CCDC192: variants seen among roughly 807,000 people sequenced by gnomAD.
The protein encoded by CCDC192 is coiled-coil domain-containing protein 192.
chr5:127,823,282 T>C (rs1356295296), intron 5 of CCDC192, among the ~76,000 whole-genome samples: 2 of 152,220 alleles, frequency 1.3e-5, no homozygotes, highest in Non-Finnish European at 2.9e-5. Flanking sequence ...AGCCTGGAGC[T>C]GTTTACAACT....
chr5:127,843,392 C>T (rs1011314131), intron 5 of CCDC192, among the ~76,000 whole-genome samples: 4 of 151,262 alleles, frequency 2.6e-5, no homozygotes, highest in Non-Finnish European at 5.9e-5. Flanking sequence ...GGGATTTAAG[C>T]CGTTGTTGAT....
At chr5:127,741,343 G>A (rs1490202598) in intron 2 of CCDC192, among the ~76,000 whole-genome samples, 4 of 152,130 alleles carry the variant, frequency 2.6e-5, no homozygotes, top group Admixed American at 1.3e-4. Flanking sequence ...GACTGCAGTT[G>A]TGAGCCAGCA....
rs535270572 is a variant in CCDC192, at chr5:127,905,229, AG to A, written c.535+29569del. Among the ~76,000 whole-genome samples, 663 of 152,322 alleles carry A rather than the reference AG, an allele frequency of 4.4e-3. 5 individuals carry two copies. Among genetic ancestry groups the A allele is most frequent in the African/African-American group, 0.016 (647 of 41,572 alleles). Reference sequence around the variant, plus strand: ...AATAAGGGCTACCTCAGGAGACAAAAGTTTCAACCTATCAAGTTTAATGTGA... The same window carrying A: ...AATAAGGGCTACCTCAGGAGACAAAATTTCAACCTATCAAGTTTAATGTGA... On this transcript the variant is annotated intron_variant, in intron 6 of 6. Transcript: ENST00000514853.
chr5:127,898,154 G>T (rs1451837581), intron 6 of CCDC192, among the ~76,000 whole-genome samples: 1 of 151,888 alleles, frequency 6.6e-6, no homozygotes, highest in Non-Finnish European at 1.5e-5. Flanking sequence ...TGTTGCCCAG[G>T]CTTGAGTGCA....
intron 2 of CCDC192, among the ~76,000 whole-genome samples, chr5:127,715,025 C>T (rs1347841693): frequency 2.6e-5 from 4 of 151,384 alleles, no homozygotes; most frequent in Non-Finnish European, 4.4e-5. Context: ...TGGTTATTAA[C>T]GCCTTGTCAG....
intron 5 of CCDC192, among the ~76,000 whole-genome samples, chr5:127,844,441 A>G (rs1416004602): frequency 1.3e-5 from 2 of 152,248 alleles, no homozygotes; most frequent in African/African-American, 2.4e-5. Flanking sequence ...AACCATCACA[A>G]TAACAGAGCT....
At chr5:127,709,077 C>T (rs563345296) in intron 2 of CCDC192, among the ~76,000 whole-genome samples, 15 of 139,804 alleles carry the variant, frequency 1.1e-4, no homozygotes, top group South Asian at 4.6e-4. Flanking sequence ...AAAGGGGTGG[C>T]GAGGCATGTC....
intron 3 of CCDC192, among the ~76,000 whole-genome samples, chr5:127,771,577 G>T (rs190248569): frequency 2.0e-5 from 3 of 152,292 alleles, no homozygotes; most frequent in Admixed American, 1.3e-4. Flanking sequence ...GAAGTGGATT[G>T]GGGGGTAGGG....
At chr5:127,823,598 T>C (rs777571192) in intron 5 of CCDC192, among the ~76,000 whole-genome samples, 3 of 152,210 alleles carry the variant, frequency 2.0e-5, no homozygotes, top group Non-Finnish European at 4.4e-5. Context: ...AAATTTCTAT[T>C]TTCAAGCCTT....
intron 6 of CCDC192, among the ~76,000 whole-genome samples, chr5:127,914,133 A>T (rs923484022): frequency 3.3e-5 from 5 of 152,342 alleles, no homozygotes; most frequent in African/African-American, 9.6e-5. Context: ...TGATCTAGTG[A>T]TAATGAATTT....
intron 6 of CCDC192, among the ~76,000 whole-genome samples, chr5:127,939,204 A>G (rs914154518): frequency 7.3e-6 from 1 of 136,890 alleles, no homozygotes; most frequent in Non-Finnish European, 1.5e-5. Context: ...TGCAACCTGC[A>G]ACTCCCAGGT....
chr5:127,734,002 T>C (rs1752808227), intron 2 of CCDC192, among the ~76,000 whole-genome samples: 1 of 151,222 alleles, frequency 6.6e-6, no homozygotes, highest in Non-Finnish European at 1.5e-5. Context: ...TGTATACATG[T>C]GCCATGCTGG....
In CCDC192 at chr5:127,761,179, G is replaced by T. The variant is rs562290564; in HGVS notation, c.222+6804G>T. On this transcript the variant is annotated intron_variant, in intron 3 of 6. Transcript: ENST00000514853. ...TCAAGCCAGGTTTAGTTTCTTTGCTGTTTTTTCTGTTTGTTTGTTTTTGTT... is the reference window on the plus strand; with the variant it reads ...TCAAGCCAGGTTTAGTTTCTTTGCTTTTTTTTCTGTTTGTTTGTTTTTGTT... Among the ~76,000 whole-genome samples, 3 of 152,190 alleles carry T rather than the reference G, an allele frequency of 2.0e-5. No individual in the cohort carries two copies. In the South Asian group the frequency reaches 6.2e-4, roughly 32 times the overall value.
At chr5:127,820,018 T>C (rs1342389772) in intron 5 of CCDC192, among the ~76,000 whole-genome samples, 2 of 152,200 alleles carry the variant, frequency 1.3e-5, no homozygotes, top group Non-Finnish European at 2.9e-5. Flanking sequence ...ATATTGAAAC[T>C]TAACCTTAGC....
At chr5:127,719,440 TACATATATATACATAC>T (rs1751833010) in intron 2 of CCDC192, among the ~76,000 whole-genome samples, 3 of 137,164 alleles carry the variant, frequency 2.2e-5, no homozygotes, top group Non-Finnish European at 3.1e-5. Context: ...TACACACACA[TACATATATATACATAC>T]ATATATATAC....
At chr5:127,824,920 A>G (rs759067308) in intron 5 of CCDC192, among the ~76,000 whole-genome samples, 1 of 152,228 alleles carries the variant, frequency 6.6e-6, no homozygotes, top group Non-Finnish European at 1.5e-5. Flanking sequence ...AAGCAATGAA[A>G]GGGATTAAAA....
At chr5:127,796,113 T>C (rs1757151968) in intron 3 of CCDC192, among the ~76,000 whole-genome samples, 1 of 152,194 alleles carries the variant, frequency 6.6e-6, no homozygotes, top group Non-Finnish European at 1.5e-5. Flanking sequence ...TCGGTGCCAG[T>C]ATGTATGTTG....
At chr5:127,734,023 C>A (rs1752809726) in intron 2 of CCDC192, among the ~76,000 whole-genome samples, 1 of 149,040 alleles carries the variant, frequency 6.7e-6, no homozygotes, top group Non-Finnish European at 1.5e-5. Flanking sequence ...TGCGCTGCAC[C>A]CACTAACTCA....
intron 2 of CCDC192, among the ~76,000 whole-genome samples, chr5:127,721,773 A>G (rs886781345): frequency 9.2e-5 from 14 of 152,214 alleles, no homozygotes; most frequent in Non-Finnish European, 2.9e-5. Flanking sequence ...TGGAGGCCTC[A>G]GGAAACTTGC....
Sources: allele counts gnomAD v4.1 joint callset (sites outside exome capture counted in the v4.1 genomes callset), GRCh38; gene constraint gnomAD v4.1.1; transcripts MANE v1.5; gene names NCBI Gene and HGNC (gene_info 2026-07-23, HGNC 2026-07-21).